The following GNG7 variants were observed in gnomAD, a reference collection of about 807,000 sequenced individuals.
GNG7 encodes the protein G protein subunit gamma 7, also known as guanine nucleotide-binding protein G(I)/G(S)/G(O) subunit gamma-7.
In GNG7, 1 loss-of-function variant was observed where a neutral mutation model predicts 4.0. That is an observed-to-expected ratio of 0.25 (90% confidence interval 0.09 to 1.18). The LOEUF (loss-of-function observed/expected upper bound fraction) is 1.18, where lower values mean the gene tolerates loss of function less well. Ranked by LOEUF, GNG7 falls within the 50% of genes most tolerant of loss-of-function variation. The pLI, the probability that GNG7 is intolerant of heterozygous loss-of-function variation, is 0.50. For missense variants in GNG7, 86 were observed against 91.9 expected (o/e 0.94, Z 0.26); for synonymous variants, 34 against 36.9 (o/e 0.92, Z 0.29).
intron 4 of GNG7, among the ~76,000 whole-genome samples, chr19:2,516,422 G>A (rs1388618460): frequency 6.6e-6 from 1 of 151,914 alleles, no homozygotes; most frequent in Admixed American, 6.6e-5. Flanking sequence ...ACGGGTTTCA[G>A]CATGTTGGCC....
chr19:2,696,286 GAGAGAGAGAAAGAA>G (rs1413704832), intron 1 of GNG7, among the ~76,000 whole-genome samples: 21 of 123,372 alleles, frequency 1.7e-4, no homozygotes, highest in Non-Finnish European at 2.8e-4. Flanking sequence ...AAGAAAAAGA[GAGAGAGAGAAAGAA>G]AGAAAGAAAG....
chr19:2,525,985 T>TTTTTTTTTTTTTTG, intron 3 of GNG7, among the ~76,000 whole-genome samples: 1 of 142,174 alleles, frequency 7.0e-6, no homozygotes, highest in African/African-American at 2.6e-5. Flanking sequence ...TTTTTTTTTT[T>TTTTTTTTTTTTTTG]TTTGAGACAG....
chr19:2,569,980 C>T (rs916927014), intron 2 of GNG7, among the ~76,000 whole-genome samples: 3 of 152,120 alleles, frequency 2.0e-5, no homozygotes, highest in African/African-American at 4.8e-5. Context: ...TTTGTGCCTC[C>T]GGATCTCACA....
intron 3 of GNG7, among the ~76,000 whole-genome samples, chr19:2,543,770 C>T (rs1000500719): frequency 4.6e-5 from 7 of 152,180 alleles, no homozygotes; most frequent in Admixed American, 6.6e-5. Flanking sequence ...CTTTTCCAGT[C>T]TGCTCATCAA....
At position 2,564,216 on chromosome 19, in the gene GNG7, G is replaced by C. The variant is rs1181248803; in HGVS notation, c.-77-9028C>G. 2.6e-5 allele frequency among the ~76,000 whole-genome samples: 4 copies of C among 152,144 alleles called. No individual in the cohort carries two copies. The East Asian group carries it at 7.7e-4, about 29-fold the overall frequency. On this transcript the variant is annotated intron_variant, in intron 2 of 4. Coordinates refer to ENST00000382159, the MANE Select transcript of GNG7 (RefSeq NM_052847.3). ...GTCTCTGCAGATGGAAGATGATACGGATCTTGGGATGAAATCATCATCCTG... is the reference window on the plus strand; with the variant it reads ...GTCTCTGCAGATGGAAGATGATACGCATCTTGGGATGAAATCATCATCCTG...
chr19:2,668,516 G>A (rs1018013435), intron 1 of GNG7, among the ~76,000 whole-genome samples: 1 of 152,198 alleles, frequency 6.6e-6, no homozygotes, highest in South Asian at 2.1e-4. Context: ...CAACCCCAGG[G>A]AGATGGAGGG....
intron 3 of GNG7, among the ~76,000 whole-genome samples, chr19:2,545,638 C>T (rs767584192): frequency 1.3e-4 from 15 of 115,404 alleles, no homozygotes; most frequent in Non-Finnish European, 2.0e-4. Flanking sequence ...GCAACAAGAG[C>T]GAAACTGTCT....
At chr19:2,551,161 C>T (rs564201093) in intron 3 of GNG7, among the ~76,000 whole-genome samples, 2 of 152,284 alleles carry the variant, frequency 1.3e-5, no homozygotes, top group East Asian at 3.9e-4. Flanking sequence ...CTTGTGTGTC[C>T]CAGAGGACGG....
intron 3 of GNG7, among the ~76,000 whole-genome samples, chr19:2,527,785 C>G (rs373367384): frequency 5.9e-5 from 9 of 151,608 alleles, no homozygotes; most frequent in Non-Finnish European, 8.8e-5. Context: ...CCCCCCCCCC[C>G]ACCAGTGCGC....
At chr19:2,584,738 AGGAGGGAGGGACGGAT>A (rs1980601943) in intron 2 of GNG7, among the ~76,000 whole-genome samples, 4 of 49,502 alleles carry the variant, frequency 8.1e-5, no homozygotes, top group Non-Finnish European at 1.5e-4. Context: ...GAAGGAAGGA[AGGAGGGAGGGACGGAT>A]GGAGGGAGGG....
At chr19:2,568,387 A>G (rs1461371806) in intron 2 of GNG7, among the ~76,000 whole-genome samples, 1 of 125,130 alleles carries the variant, frequency 8.0e-6, no homozygotes, top group Admixed American at 8.0e-5. Flanking sequence ...ACACACATAT[A>G]CAACACAAAC....
chr19:2,520,890 T>C (rs1346210872), intron 3 of GNG7, among the ~76,000 whole-genome samples, 165 bp from the exon 4 acceptor site: 1 of 152,078 alleles, frequency 6.6e-6, no homozygotes, highest in Non-Finnish European at 1.5e-5. Flanking sequence ...CTCGTTTAAC[T>C]CTCAGCATAG....
At chr19:2,604,470 CA>C (rs112959127) in intron 2 of GNG7, among the ~76,000 whole-genome samples, 6,690 of 37,260 alleles carry the variant, frequency 0.18, 511 homozygotes, top group African/African-American at 0.41. Flanking sequence ...GACCCTGCTT[CA>C]AAAAAAAAAA....
intron 3 of GNG7, among the ~76,000 whole-genome samples, chr19:2,528,267 T>A (rs1172552633): frequency 1.3e-5 from 1 of 79,654 alleles, no homozygotes. Context: ...TGAGACCCTG[T>A]CTAAAAAAAA....
At position 2,617,838 on chromosome 19, in the gene GNG7, C is replaced by T. The variant is rs10411678; in HGVS notation, c.-78+28386G>A. 0.1 allele frequency among the ~76,000 whole-genome samples: 15,376 copies of T among 152,000 alleles called. 839 individuals are homozygous for T. Among genetic ancestry groups the T allele is most frequent in the South Asian group, 0.2 (939 of 4,802 alleles). On this transcript the variant is annotated intron_variant, in intron 2 of 4. Coordinates refer to ENST00000382159, the MANE Select transcript of GNG7 (RefSeq NM_052847.3). This position sits in a 1 kb window ranked among gnomAD's most constrained non-coding sequence, Gnocchi z 4.7. ...GGCTCAAGTGATCCTCCTACCTCAG[C>T]CTCCAGAGCAGCTGGAACTACAGGT... is the stretch of plus-strand genomic sequence containing the variant.
intron 2 of GNG7, among the ~76,000 whole-genome samples, chr19:2,579,636 G>C (rs1392017469): frequency 1.3e-5 from 2 of 152,186 alleles, no homozygotes; most frequent in Admixed American, 1.3e-4. Flanking sequence ...CACCTTCCTC[G>C]GGGACATGCA....
intron 3 of GNG7, among the ~76,000 whole-genome samples, chr19:2,547,511 C>T (rs537967120): frequency 1.3e-5 from 2 of 152,066 alleles, no homozygotes; most frequent in African/African-American, 2.4e-5. Flanking sequence ...GTCACTGCGC[C>T]CCCCCACCCC....
chr19:2,525,970 A>ATTTTTTTTTTTTTTTTTT (rs1568231777), intron 3 of GNG7, among the ~76,000 whole-genome samples: 7 of 26,778 alleles, frequency 2.6e-4, no homozygotes, highest in African/African-American at 1.8e-3. Flanking sequence ...CCTCCACGCC[A>ATTTTTTTTTTTTTTTTTT]ATTTTTTTTT....
chr19:2,544,945 C>T (rs1979076677), intron 3 of GNG7, among the ~76,000 whole-genome samples: 1 of 152,202 alleles, frequency 6.6e-6, no homozygotes, highest in Admixed American at 6.5e-5. Flanking sequence ...AATCCCTACC[C>T]ACACTAGAAT....
Sources: gnomAD v4.1 joint callset for allele counts (sites outside exome capture counted in the v4.1 genomes callset) on GRCh38, gnomAD v4.1.1 for gene constraint, Gnocchi (gnomAD v3.1) non-coding constraint, MANE v1.5 for transcripts, NCBI Gene and HGNC (gene_info 2026-07-23, HGNC 2026-07-21) for gene names.